CDH18: variants seen among roughly 807,000 people sequenced by gnomAD.
The protein encoded by CDH18 is cadherin-18.
Under a neutral mutation model 67.9 loss-of-function variants are expected in CDH18, and 31 were observed. The observed-to-expected ratio is 0.46, with a 90% CI of 0.34 to 0.62. CDH18 has a LOEUF of 0.62. CDH18 is among the 20% of genes least tolerant of loss of function. The probability of loss-of-function intolerance (pLI) is 0.01; values close to 1 mark genes in which losing one functional copy is unlikely to be tolerated. For missense variants in CDH18, 890 were observed against 975.5 expected (o/e 0.91, Z 1.17); for synonymous variants, 362 against 347.2 (o/e 1.04, Z -0.48).
intron 2 of CDH18, among the ~76,000 whole-genome samples, chr5:19,919,127 C>A (rs994889848): frequency 6.6e-6 from 1 of 152,004 alleles, no homozygotes; most frequent in African/African-American, 2.4e-5. Context: ...AGAGAGATTC[C>A]AGGTTGGTGA....
intron 2 of CDH18, among the ~76,000 whole-genome samples, chr5:20,174,727 G>T (rs9292895): frequency 0.58 from 88,651 of 151,848 alleles, 25,935 homozygotes; most frequent in Middle Eastern, 0.69. Context: ...TAAAATGATC[G>T]GTAAATATGA....
rs748823930 is a variant in CDH18 at position 19,502,978 on chromosome 5, G to A, written c.1630+14C>T. On this transcript the variant is annotated intron_variant, in intron 11 of 12. Transcript: ENST00000382275. ...ATACCACATAGATAAACAAATATGT[G>A]TATATATGTTCACCTTCATTGTCCT... 3.7e-6 allele frequency: 5 copies of A among 1,357,556 alleles called. No homozygotes were observed. Among genetic ancestry groups the A allele is most frequent in the East Asian group, 2.3e-5 (1 of 43,660 alleles). The allele number at this position is 1,357,556 out of a possible 1,614,324, so 84.1% of individuals were successfully genotyped here.
intron 1 of CDH18, among the ~76,000 whole-genome samples, chr5:20,343,917 A>T (rs1740485975): frequency 6.6e-6 from 1 of 152,166 alleles, no homozygotes; most frequent in African/African-American, 2.4e-5. Context: ...GGGTAAAATA[A>T]CCAAAAGAAA....
intron 2 of CDH18, among the ~76,000 whole-genome samples, chr5:20,138,725 GA>G (rs906387637): frequency 2.7e-4 from 41 of 152,108 alleles, no homozygotes; most frequent in African/African-American, 9.2e-4. Flanking sequence ...TTGCTTCAAA[GA>G]GAATCAAATA....
intron 2 of CDH18, among the ~76,000 whole-genome samples, chr5:20,096,450 G>T (rs1745999857): frequency 6.6e-6 from 1 of 151,924 alleles, no homozygotes; most frequent in Non-Finnish European, 1.5e-5. Context: ...GAGATATGCA[G>T]AAATAATGAA....
rs111889483 is a variant in CDH18, at chr5:19,710,062, G to C, written c.643+11285C>G. Among the ~76,000 whole-genome samples the C allele has an allele frequency of 4.8e-3, 734 of 152,242 alleles. 13 individuals carry two copies. Among genetic ancestry groups the C allele is most frequent in the African/African-American group, 0.017 (711 of 41,546 alleles). The stretch of plus-strand genomic sequence containing the variant: ...AGGCAGGAGAATTGTTTGAACCCAA[G>C]AGGCAGAAGTTGAAGTGAGTCAAGG... On this transcript the variant is annotated intron_variant, in intron 5 of 12. Coordinates refer to ENST00000382275, the MANE Select transcript of CDH18 (RefSeq NM_004934.5).
intron 1 of CDH18, among the ~76,000 whole-genome samples, chr5:20,287,249 C>G (rs1746760292): frequency 6.6e-6 from 1 of 151,682 alleles, no homozygotes; most frequent in Non-Finnish European, 1.5e-5. Context: ...TCTATTATAT[C>G]TTAATTGGAA....
intron 2 of CDH18, among the ~76,000 whole-genome samples, chr5:20,217,553 T>C (rs1022820059): frequency 1.3e-5 from 2 of 151,756 alleles, no homozygotes; most frequent in South Asian, 4.2e-4. Flanking sequence ...AATTAGAACA[T>C]ACCACCTGAG....
intron 3 of CDH18, among the ~76,000 whole-genome samples, chr5:19,765,557 TA>T (rs1270835902): frequency 6.6e-6 from 1 of 152,154 alleles, no homozygotes. Flanking sequence ...TTGAATAACA[TA>T]ATTTTATAAA....
chr5:19,684,065 C>T (rs1221310527), intron 5 of CDH18, among the ~76,000 whole-genome samples: 1 of 152,098 alleles, frequency 6.6e-6, no homozygotes, highest in African/African-American at 2.4e-5. Flanking sequence ...CTTCTCCGTG[C>T]CCCCAGTTCA....
intron 5 of CDH18, among the ~76,000 whole-genome samples, chr5:19,674,298 A>C (rs1034849030): frequency 2.6e-5 from 4 of 152,236 alleles, no homozygotes; most frequent in South Asian, 2.1e-4. Flanking sequence ...AATTTGCAAA[A>C]ATTTATTGTG....
chr5:19,515,997 G>C (rs974526418), intron 10 of CDH18, among the ~76,000 whole-genome samples: 1 of 152,100 alleles, frequency 6.6e-6, no homozygotes, highest in African/African-American at 2.4e-5. Flanking sequence ...GTCATACAAA[G>C]CTCTTATTAT....
chr5:19,971,718 C>T (rs1368568062), intron 2 of CDH18, among the ~76,000 whole-genome samples: 1 of 151,756 alleles, frequency 6.6e-6, no homozygotes, highest in East Asian at 1.9e-4. Context: ...AGGAGGAAGA[C>T]AGGATCAAGA....
intron 6 of CDH18, among the ~76,000 whole-genome samples, chr5:19,606,825 A>G (rs1404996754): frequency 6.6e-6 from 1 of 151,882 alleles, no homozygotes; most frequent in Admixed American, 6.6e-5. Context: ...AGCTTAAAAA[A>G]TCTTTACAAC....
chr5:19,674,914 C>T (rs2049142), intron 5 of CDH18, among the ~76,000 whole-genome samples: 5,188 of 152,074 alleles, frequency 0.034, 284 homozygotes, highest in African/African-American at 0.12. Flanking sequence ...AAAGAAGAAA[C>T]GGTCATTTAT....
intron 1 of CDH18, among the ~76,000 whole-genome samples, chr5:20,383,721 A>T (rs1453181619): frequency 6.6e-6 from 1 of 152,208 alleles, no homozygotes; most frequent in African/African-American, 2.4e-5. Flanking sequence ...AAGAAAAGTG[A>T]CAAGTTACTG....
chr5:20,471,615 T>C (rs35918955), intron 1 of CDH18, among the ~76,000 whole-genome samples: 24,594 of 151,288 alleles, frequency 0.16, 2,498 homozygotes, highest in Non-Finnish European at 0.23. Context: ...GCCTGGCCAA[T>C]ATGGTGAAAC....
intron 2 of CDH18, among the ~76,000 whole-genome samples, chr5:20,073,582 A>G (rs1743669517): frequency 6.6e-6 from 1 of 152,056 alleles, no homozygotes; most frequent in African/African-American, 2.4e-5. Flanking sequence ...TATATTTTAT[A>G]TTCTGCAGAG....
intron 7 of CDH18, among the ~76,000 whole-genome samples, chr5:19,584,254 A>G (rs886407453): frequency 3.3e-5 from 5 of 152,166 alleles, no homozygotes; most frequent in African/African-American, 1.2e-4. Flanking sequence ...GTACCACACC[A>G]TGCACCAGTG....
Sources: allele counts gnomAD v4.1 joint callset (sites outside exome capture counted in the v4.1 genomes callset), GRCh38; gene constraint gnomAD v4.1.1; transcripts MANE v1.5; gene names NCBI Gene and HGNC (gene_info 2026-07-23, HGNC 2026-07-21).